The following CSMD1 variants were observed in gnomAD, a reference collection of about 807,000 sequenced individuals.
CSMD1 encodes CUB and sushi domain-containing protein 1.
CSMD1 carries 213 observed loss-of-function variants against 417.5 expected under a neutral mutation model. That is an observed-to-expected ratio of 0.51 (90% CI 0.46 to 0.57). CSMD1 has a LOEUF of 0.57. CSMD1 is among the 20% of genes least tolerant of loss of function. The pLI is 0.00. For synonymous variants in CSMD1, 2,862 were observed against 1,736.8 expected, an observed-to-expected ratio of 1.65 and a Z score of -16.11; for missense variants, 6,923 against 4,529.7, an observed-to-expected ratio of 1.53 and a Z score of -15.17.
intron 7 of CSMD1, among the ~76,000 whole-genome samples, chr8:3,625,334 T>G (rs1270998077): frequency 1.3e-5 from 2 of 152,216 alleles, no homozygotes; most frequent in East Asian, 1.9e-4. Flanking sequence ...GATCTCCAAT[T>G]GGACGTGAAG....
At chr8:3,355,416 A>G (rs1022188824) in intron 21 of CSMD1, among the ~76,000 whole-genome samples, 1 of 152,220 alleles carries the variant, frequency 6.6e-6, no homozygotes, top group Non-Finnish European at 1.5e-5. Context: ...CCATCACAAA[A>G]TATTCAGTTT....
intron 1 of CSMD1, among the ~76,000 whole-genome samples, chr8:4,947,679 T>A (rs117729528): frequency 3.9e-5 from 6 of 152,146 alleles, no homozygotes; most frequent in Admixed American, 2.6e-4. Context: ...ATTCTTGGCA[T>A]TGAAAAATAA....
chr8:4,724,951 A>T (rs1809327269), intron 1 of CSMD1, among the ~76,000 whole-genome samples: 2 of 152,144 alleles, frequency 1.3e-5, no homozygotes, highest in African/African-American at 4.8e-5. Flanking sequence ...AGTTGTATAA[A>T]TGATTCGAGT....
intron 60 of CSMD1, among the ~76,000 whole-genome samples, chr8:2,962,988 C>G (rs1768113318): frequency 6.6e-6 from 1 of 152,178 alleles, no homozygotes; most frequent in South Asian, 2.1e-4. Flanking sequence ...ATTGAGGCTG[C>G]AGGGAGCTAT....
intron 10 of CSMD1, among the ~76,000 whole-genome samples, chr8:3,534,979 G>T (rs764572826): frequency 6.6e-6 from 1 of 152,090 alleles, no homozygotes; most frequent in Non-Finnish European, 1.5e-5. Context: ...ACAGCATCTG[G>T]CTTTGTCGCC....
chr8:3,586,417 C>G (rs1339585003), intron 8 of CSMD1, among the ~76,000 whole-genome samples, 157 bp from the exon 9 acceptor site: 1 of 151,988 alleles, frequency 6.6e-6, no homozygotes, highest in East Asian at 1.9e-4. Flanking sequence ...TAGAGGCAAC[C>G]CTGTAATTTA....
At chr8:3,409,990 T>C (rs562077517) in intron 12 of CSMD1, among the ~76,000 whole-genome samples, 2 of 152,352 alleles carry the variant, frequency 1.3e-5, no homozygotes, top group East Asian at 3.9e-4. Context: ...ACAATACAAA[T>C]AATATTCTTC....
In CSMD1 at chr8:4,749,993, G is replaced by GA. The variant is rs933274664; in HGVS notation, c.86-112436dup. ...TGTTTAATAAAACCCTTGTTTAATT[G>GA]AAAAAAAAATAATAATTATTATTAT... On this transcript the variant is annotated intron_variant, in intron 1 of 69. Coordinates refer to ENST00000635120, the MANE Select transcript of CSMD1 (RefSeq NM_033225.6). 7.2e-4 allele frequency among the ~76,000 whole-genome samples: 108 copies of GA among 149,794 alleles called. 1 individual carries two copies. Among genetic ancestry groups the GA allele is most frequent in the Admixed American group, 1.3e-3 (20 of 15,052 alleles).
intron 23 of CSMD1, among the ~76,000 whole-genome samples, chr8:3,309,867 T>A (rs1003335054): frequency 2.0e-5 from 3 of 152,188 alleles, no homozygotes; most frequent in Admixed American, 1.3e-4. Flanking sequence ...TGCAGCTTTG[T>A]ATAGGAGAAA....
intron 1 of CSMD1, among the ~76,000 whole-genome samples, chr8:4,917,414 T>C (rs1453623956): frequency 7.2e-5 from 11 of 152,086 alleles, no homozygotes; most frequent in East Asian, 1.9e-4. Flanking sequence ...GTGGGCAGAC[T>C]ACAAGGTCAG....
intron 5 of CSMD1, among the ~76,000 whole-genome samples, chr8:3,912,520 A>C: frequency 6.6e-6 from 1 of 152,312 alleles, no homozygotes; most frequent in Admixed American, 6.5e-5. Flanking sequence ...ATGGAAATAC[A>C]TAACAGAGGG....
At chr8:4,701,446 G>A (rs555890669) in intron 1 of CSMD1, among the ~76,000 whole-genome samples, 12 of 152,032 alleles carry the variant, frequency 7.9e-5, no homozygotes, top group African/African-American at 2.2e-4. Context: ...AGAGTCTGAT[G>A]GGGAGGGGCC....
At chr8:3,868,377 C>T (rs75902821) in intron 5 of CSMD1, among the ~76,000 whole-genome samples, 3,960 of 152,174 alleles carry the variant, frequency 0.026, 93 homozygotes, top group African/African-American at 0.056. Context: ...GTGCCATCTG[C>T]AGGCCACAGG....
At chr8:4,129,809 T>A (rs1037978393) in intron 3 of CSMD1, among the ~76,000 whole-genome samples, 13 of 152,216 alleles carry the variant, frequency 8.5e-5, no homozygotes, top group Admixed American at 7.9e-4. Context: ...TCCAACTTTA[T>A]TTTCTAAGTT....
chr8:4,593,769 A>G (rs1228297715), intron 2 of CSMD1, among the ~76,000 whole-genome samples: 2 of 152,164 alleles, frequency 1.3e-5, no homozygotes. Context: ...TCCATTTTGC[A>G]AAAAAGGTTA....
At chr8:4,413,999 G>C (rs892488857) in intron 3 of CSMD1, among the ~76,000 whole-genome samples, 3 of 152,278 alleles carry the variant, frequency 2.0e-5, no homozygotes, top group South Asian at 4.2e-4. Flanking sequence ...TGGGCTAATG[G>C]AGAGCCAGCT....
intron 11 of CSMD1, among the ~76,000 whole-genome samples, chr8:3,482,150 T>C (rs1428472142): frequency 6.6e-6 from 1 of 151,890 alleles, no homozygotes; most frequent in Non-Finnish European, 1.5e-5. Context: ...AATAAAGAAA[T>C]AATAAAATGC....
chr8:3,605,909 C>G (rs532260922), intron 8 of CSMD1, among the ~76,000 whole-genome samples: 1 of 152,208 alleles, frequency 6.6e-6, no homozygotes, highest in African/African-American at 2.4e-5. Context: ...AGGTTATGTC[C>G]ATATATCCCT....
chr8:4,354,865 A>AGTGTGTGTGTGTGTGTGTGTGTGTGT (rs59255397), intron 3 of CSMD1, among the ~76,000 whole-genome samples: 4 of 129,426 alleles, frequency 3.1e-5, no homozygotes, highest in Non-Finnish European at 4.9e-5. Context: ...AGGAAAATGT[A>AGTGTGTGTGTGTGTGTGTGTGTGTGT]GTGTGTGTGT....
Sources: allele counts gnomAD v4.1 joint callset (sites outside exome capture counted in the v4.1 genomes callset), GRCh38; gene constraint gnomAD v4.1.1; transcripts MANE v1.5; gene names NCBI Gene and HGNC (gene_info 2026-07-23, HGNC 2026-07-21).